Variants in FRMD3 observed in about 807,000 individuals in gnomAD.
FRMD3 encodes the protein FERM domain containing 3.
Under a neutral mutation model 70.2 loss-of-function variants are expected in FRMD3, and 33 were observed. The ratio of observed to expected loss-of-function variants is 0.47; its 90% CI spans 0.36 to 0.63. The LOEUF is 0.63. FRMD3 is among the 20% of genes least tolerant of loss of function. FRMD3 has a pLI of 0.00. For missense variants in FRMD3, 632 were observed against 711.4 expected, an observed-to-expected ratio of 0.89 and a Z score of 1.27; for synonymous variants, 279 against 255.9, an observed-to-expected ratio of 1.09 and a Z score of -0.86.
chr9:83,290,720 T>C lies in FRMD3; in HGVS notation c.1078A>G (p.Ile360Val), dbSNP rs748410494. 1.4e-5 allele frequency: 23 copies of C among 1,607,090 alleles called. No individual in the cohort carries two copies. The highest frequency in any genetic ancestry group is 1.9e-5 in the Non-Finnish European group (22 of 1,176,040). The change falls in exon 13 of 14, where the codon ATT (isoleucine) becomes GTT (valine). Residue 360 changes from isoleucine to valine, a missense_variant. Coordinates refer to ENST00000304195, the MANE Select transcript of FRMD3 (RefSeq NM_174938.6). The stretch of plus-strand genomic sequence containing the variant: ...GAGTGGGAACTGCGGCTCTGAGTAA[T>C]GTTGGCTCTGAAAACAGACACAAGC... ...REPPEVHRAN[I>V]TQSRSSHSLN...
intron 10 of FRMD3, among the ~76,000 whole-genome samples, chr9:83,306,806 A>G (rs1835153298): frequency 6.6e-6 from 1 of 152,232 alleles, no homozygotes; most frequent in Non-Finnish European, 1.5e-5. Flanking sequence ...ACAATCCAAT[A>G]GAAGTCTTGG....
At chr9:83,571,887 G>A in the FRMD3 span, among the ~76,000 whole-genome samples, 1 of 152,184 alleles carries the variant, frequency 6.6e-6, no homozygotes, top group Non-Finnish European at 1.5e-5. Context: ...ACAACTATAC[G>A]TAAACAGTGG....
At chr9:83,494,857 G>A (rs1380659124) in intron 1 of FRMD3, among the ~76,000 whole-genome samples, 1 of 147,682 alleles carries the variant, frequency 6.8e-6, no homozygotes, top group Non-Finnish European at 1.5e-5. Flanking sequence ...GTGTGTGTGT[G>A]TGCGCGCGCG....
At chr9:83,567,814 A>T in the FRMD3 span, among the ~76,000 whole-genome samples, 1 of 152,146 alleles carries the variant, frequency 6.6e-6, no homozygotes, top group Non-Finnish European at 1.5e-5. Flanking sequence ...CACTATCAGC[A>T]TTTTTGTCAA....
At chr9:83,449,933 A>G (rs1827591678) in intron 1 of FRMD3, among the ~76,000 whole-genome samples, 1 of 152,202 alleles carries the variant, frequency 6.6e-6, no homozygotes, top group African/African-American at 2.4e-5. Flanking sequence ...AAGAGAGTGC[A>G]CTTGAAGCAC....
At chr9:83,423,482 T>C (rs1370135786) in intron 1 of FRMD3, among the ~76,000 whole-genome samples, 2 of 151,584 alleles carry the variant, frequency 1.3e-5, no homozygotes, top group East Asian at 3.9e-4. Flanking sequence ...CAAAGCCTCC[T>C]AGAGTCTCAT....
rs1829924483 is a variant in FRMD3 at position 83,537,569 on chromosome 9, G to A, written c.147+516C>T. Among the ~76,000 whole-genome samples, 1 of 152,224 alleles carries A rather than the reference G, an allele frequency of 6.6e-6. No individual in the cohort carries two copies. The highest frequency in any genetic ancestry group is 1.5e-5 in the Non-Finnish European group (1 of 68,032). On this transcript the variant is annotated intron_variant, in intron 1 of 13. Coordinates refer to ENST00000304195, the MANE Select transcript of FRMD3 (RefSeq NM_174938.6). The surrounding 1 kb of genome is among the most constrained non-coding windows in gnomAD (Gnocchi z 4.1). ...GGAGAACTAAAGACCACCGGCGGAG[G>A]GTGAGGGGGACCGACACGGAGCGGA... is the stretch of plus-strand genomic sequence containing the variant.
rs1564009218 is a variant in FRMD3 at position 83,311,990 on chromosome 9, A to T, written c.685-15T>A. 1 of 1,543,366 alleles carries T rather than the reference A, an allele frequency of 6.5e-7. No individual in the cohort carries two copies. Among genetic ancestry groups the T allele is most frequent in the South Asian group, 1.2e-5 (1 of 83,028 alleles). On this transcript the variant is annotated splice_polypyrimidine_tract_variant and intron_variant, in intron 7 of 13. Coordinates refer to ENST00000304195, the MANE Select transcript of FRMD3 (RefSeq NM_174938.6). ...CCTGTTGAATCCTGAAAAAAAAAAA[A>T]AAGAAAAAAGAAAAATCTGTTTAGA...
In FRMD3 at chr9:83,398,832, G is replaced by A. The variant is rs558027499; in HGVS notation, c.148-9124C>T. 2.6e-5 allele frequency among the ~76,000 whole-genome samples: 4 copies of A among 152,242 alleles called. No homozygotes were observed. In the East Asian group the frequency reaches 7.7e-4, roughly 29 times the overall value. ...GGTGGAGGATTATGACTATAGTAGTGACCTAAAAAACAGAAAATAACAACA... is the reference window on the plus strand; with the variant it reads ...GGTGGAGGATTATGACTATAGTAGTAACCTAAAAAACAGAAAATAACAACA... On this transcript the variant is annotated intron_variant, in intron 1 of 13. Coordinates refer to ENST00000304195, the MANE Select transcript of FRMD3 (RefSeq NM_174938.6).
chr9:83,294,604 C>G (rs10867979), intron 12 of FRMD3, among the ~76,000 whole-genome samples: 32,122 of 152,124 alleles, frequency 0.21, 3,479 homozygotes, highest in African/African-American at 0.25. Flanking sequence ...CTTAGTGCGT[C>G]TTGCCTATAA....
chr9:83,452,747 G>T (rs1006710234), intron 1 of FRMD3, among the ~76,000 whole-genome samples: 3 of 151,814 alleles, frequency 2.0e-5, no homozygotes, highest in African/African-American at 4.8e-5. Context: ...CTCCCAAAGT[G>T]CTAGGATTAC....
chr9:83,474,878 C>A (rs1215063155), intron 1 of FRMD3, among the ~76,000 whole-genome samples: 1 of 152,002 alleles, frequency 6.6e-6, no homozygotes, highest in African/African-American at 2.4e-5. Context: ...GCTGTCCCCA[C>A]TGATGAAGAG....
chr9:83,519,384 T>C (rs182355898), intron 1 of FRMD3, among the ~76,000 whole-genome samples: 1 of 151,992 alleles, frequency 6.6e-6, no homozygotes, highest in East Asian at 1.9e-4. Flanking sequence ...GCCAAACACA[T>C]GAAAAAAAGC....
At chr9:83,325,723 T>A (rs1039616456) in intron 6 of FRMD3, among the ~76,000 whole-genome samples, 3 of 152,230 alleles carry the variant, frequency 2.0e-5, no homozygotes, top group Admixed American at 1.3e-4. Context: ...TCAGATCCGA[T>A]TAGAGAATAG....
At chr9:83,474,380 C>A (rs7032223) in intron 1 of FRMD3, among the ~76,000 whole-genome samples, 112,258 of 152,072 alleles carry the variant, frequency 0.74, 41,510 homozygotes, top group Middle Eastern at 0.78. Flanking sequence ...CTGATAACAT[C>A]AATAATATTC....
the FRMD3 span, among the ~76,000 whole-genome samples, chr9:83,564,148 G>A: frequency 6.6e-6 from 1 of 152,094 alleles, no homozygotes; most frequent in Non-Finnish European, 1.5e-5. Flanking sequence ...TAAGTATAGT[G>A]GCCATATCAA....
intron 2 of FRMD3, among the ~76,000 whole-genome samples, chr9:83,377,906 G>A (rs1026173938): frequency 2.6e-5 from 4 of 152,130 alleles, no homozygotes; most frequent in Admixed American, 2.0e-4. Context: ...GAGGATGAAA[G>A]TAGATTTCAT....
the FRMD3 span, among the ~76,000 whole-genome samples, chr9:83,583,530 TCAGA>T: frequency 6.6e-6 from 1 of 152,168 alleles, no homozygotes; most frequent in African/African-American, 2.4e-5. Context: ...ACCAGATCCA[TCAGA>T]CACACTTCAA....
At chr9:83,428,483 C>T (rs1318034593) in intron 1 of FRMD3, among the ~76,000 whole-genome samples, 1 of 151,360 alleles carries the variant, frequency 6.6e-6, no homozygotes, top group African/African-American at 2.4e-5. Flanking sequence ...TCCATATATA[C>T]ATATATACAT....
Sources: allele counts gnomAD v4.1 joint callset (sites outside exome capture counted in the v4.1 genomes callset), GRCh38; gene constraint gnomAD v4.1.1; non-coding constraint Gnocchi (gnomAD v3.1); transcripts MANE v1.5; gene names NCBI Gene and HGNC (gene_info 2026-07-23, HGNC 2026-07-21).